The following PARD3B variants were observed in gnomAD, a reference collection of about 807,000 sequenced individuals.
The protein encoded by PARD3B is par-3 family cell polarity regulator beta.
PARD3B carries 103 observed loss-of-function variants against 130.2 expected under a neutral mutation model. That is an observed-to-expected ratio of 0.79 (90% CI 0.67 to 0.93). The LOEUF is 0.93. Among genes scored for constraint, PARD3B ranks in the 40% least tolerant of loss-of-function variants. The pLI, the probability that PARD3B is intolerant of heterozygous loss-of-function variation, is 0.00. For missense variants in PARD3B, 1,609 were observed against 1,499.2 expected (o/e 1.07, Z -1.21); for synonymous variants, 583 against 553.2 (o/e 1.05, Z -0.76).
chr2:204,646,224 C>G (rs192598196), intron 1 of PARD3B, among the ~76,000 whole-genome samples: 1 of 152,184 alleles, frequency 6.6e-6, no homozygotes, highest in Admixed American at 6.6e-5. Flanking sequence ...TGCTTGCACC[C>G]CAGAAGTTCT....
chr2:205,509,654 A>G (rs960287828), intron 21 of PARD3B, among the ~76,000 whole-genome samples: 1 of 152,206 alleles, frequency 6.6e-6, no homozygotes, highest in Non-Finnish European at 1.5e-5. Context: ...GGCTAATGGA[A>G]TGTACTCCCA....
At chr2:205,054,437 T>TATATATATATATATATATA (rs1491373014) in intron 4 of PARD3B, among the ~76,000 whole-genome samples, 25 of 27,456 alleles carry the variant, frequency 9.1e-4, no homozygotes, top group South Asian at 4.5e-3. Context: ...TATATATATA[T>TATATATATATATATATATA]TTTTTTTTTT....
Position 205,176,622 on chromosome 2 carries a change from C to T in PARD3B, c.1924+45C>T. The T allele has an allele frequency of 7.0e-7, 1 of 1,425,438 alleles. No homozygotes were observed. Among genetic ancestry groups the T allele is most frequent in the Non-Finnish European group, 9.3e-7 (1 of 1,074,448 alleles). The allele number at this position is 1,425,438 out of a possible 1,614,324, so 88.3% of individuals were successfully genotyped here. On this transcript the variant is annotated intron_variant, in intron 13 of 22. Transcript: ENST00000406610. This position sits in a 1 kb window ranked among gnomAD's most constrained non-coding sequence, Gnocchi z 5.3. Reference sequence around the variant, plus strand: ...ATCCACTGCAAATGGAGTGAGAAAACACAAAAGTGTCTTTTTATCTAAAAA... The same window carrying T: ...ATCCACTGCAAATGGAGTGAGAAAATACAAAAGTGTCTTTTTATCTAAAAA...
intron 18 of PARD3B, among the ~76,000 whole-genome samples, chr2:205,315,644 AGTTTGTTTGTTT>A (rs372865103): frequency 1.3e-5 from 2 of 152,128 alleles, no homozygotes; most frequent in Middle Eastern, 3.4e-3. Flanking sequence ...TTCTCGTCCC[AGTTTGTTTGTTT>A]GTTTGTTTGT....
At chr2:205,165,633 G>A (rs1309801233) in intron 11 of PARD3B, among the ~76,000 whole-genome samples, 1 of 151,554 alleles carries the variant, frequency 6.6e-6, no homozygotes, top group Non-Finnish European at 1.5e-5. Flanking sequence ...CAGGAGAATT[G>A]CTTGAACCAG....
intron 1 of PARD3B, among the ~76,000 whole-genome samples, chr2:204,662,445 A>G (rs527573310): frequency 2.6e-5 from 4 of 152,180 alleles, no homozygotes. Flanking sequence ...AGTCTGGAAA[A>G]CCATCATCTG....
chr2:204,690,155 T>C (rs952107922), intron 2 of PARD3B, among the ~76,000 whole-genome samples: 1 of 152,162 alleles, frequency 6.6e-6, no homozygotes, highest in African/African-American at 2.4e-5. Context: ...CCCAGATTAT[T>C]TGATTTAGAT....
At chr2:205,192,705 G>A (rs2036460391) in intron 14 of PARD3B, among the ~76,000 whole-genome samples, 1 of 152,102 alleles carries the variant, frequency 6.6e-6, no homozygotes, top group African/African-American at 2.4e-5. Flanking sequence ...ATTAGTTTTA[G>A]GAAAAAGACC....
At chr2:204,980,212 T>C (rs1385050399) in intron 3 of PARD3B, among the ~76,000 whole-genome samples, 1 of 152,194 alleles carries the variant, frequency 6.6e-6, no homozygotes, top group African/African-American at 2.4e-5. Context: ...TATAAAGGTG[T>C]TCAACTTCAT....
chr2:205,008,231 T>C (rs563145423), intron 3 of PARD3B, among the ~76,000 whole-genome samples: 2 of 152,234 alleles, frequency 1.3e-5, no homozygotes, highest in South Asian at 2.1e-4. Flanking sequence ...GAAGTTGAGC[T>C]TTAAATAATG....
At position 205,119,038 on chromosome 2, in the gene PARD3B, C is replaced by T. The variant is rs1260848949; in HGVS notation, c.798C>T (p.Thr266=). The change falls in exon 7 of 23, where the codon ACC becomes ACT. Residue 266 remains threonine (T), a synonymous_variant. Coordinates refer to ENST00000406610, the MANE Select transcript of PARD3B (RefSeq NM_001302769.2). Reference sequence around the variant, plus strand: ...ACAATGTGGATCTCGTAGACAAAACCTTTGCTCAGTAAGCATTTTTTCATT... The same window carrying T: ...ACAATGTGGATCTCGTAGACAAAACTTTTGCTCAGTAAGCATTTTTTCATT... ...KINNVDLVDK[T]FAQAQDVFRQ... is the part of the protein sequence containing the mutation. The T allele has an allele frequency of 1.9e-6, 3 of 1,599,504 alleles. No homozygotes were observed. Among genetic ancestry groups the T allele is most frequent in the Non-Finnish European group, 2.6e-6 (3 of 1,175,184 alleles).
Position 205,619,588 on chromosome 2 carries a change from GCCACAGCGAGA to G in PARD3B, c.*3779_*3789del, listed in dbSNP as rs1170030385. ...TCCTGCCAACTTAGCTGGAAACGAT[GCCACAGCGAGA>G]CCAGAAAGAGGAGTCGCCTTAAGGT... is the stretch of plus-strand genomic sequence containing the variant. On this transcript the variant is annotated 3_prime_UTR_variant, in exon 23 of 23. Coordinates refer to ENST00000406610, the MANE Select transcript of PARD3B (RefSeq NM_001302769.2). The G allele has an allele frequency of 2.0e-5, 3 of 152,130 alleles. No homozygotes were observed. 9.4% of individuals were successfully genotyped at this position (152,130 alleles called of 1,614,324 possible).
intron 18 of PARD3B, among the ~76,000 whole-genome samples, chr2:205,329,530 A>T (rs1297958859): frequency 6.6e-6 from 1 of 152,238 alleles, no homozygotes; most frequent in Admixed American, 6.5e-5. Context: ...GCCTCAGTGC[A>T]TCTTTGTCCA....
Position 205,258,598 on chromosome 2 carries a change from T to G in PARD3B, c.2185+12776T>G, listed in dbSNP as rs1481541137. On this transcript the variant is annotated intron_variant, in intron 16 of 22. Transcript: ENST00000406610. The surrounding 1 kb of genome is among the most constrained non-coding windows in gnomAD (Gnocchi z 4.9). ...GCTTCATGAAGGCAGAGACTTTGTATCCCCAGTTCCAAAAGCAGTGTGTGG... is the reference window on the plus strand; with the variant it reads ...GCTTCATGAAGGCAGAGACTTTGTAGCCCCAGTTCCAAAAGCAGTGTGTGG... 6.6e-6 allele frequency among the ~76,000 whole-genome samples: 1 copy of G among 152,186 alleles called. No individual in the cohort carries two copies. The highest frequency in any genetic ancestry group is 2.4e-5 in the African/African-American group (1 of 41,452).
intron 1 of PARD3B, among the ~76,000 whole-genome samples, chr2:204,653,250 C>T (rs2035541131): frequency 6.8e-6 from 1 of 147,960 alleles, no homozygotes. Context: ...CAAACGTACA[C>T]CTGTACCCCT....
intron 2 of PARD3B, among the ~76,000 whole-genome samples, chr2:204,947,445 A>G (rs1689415895): frequency 6.6e-6 from 1 of 152,208 alleles, no homozygotes. Flanking sequence ...AAGTTAGTAA[A>G]TAAGTAAAGT....
chr2:205,380,896 A>ATATATATAATACATAAAGAATATAT (rs2045373161), intron 18 of PARD3B, among the ~76,000 whole-genome samples: 1 of 14,032 alleles, frequency 7.1e-5, no homozygotes, highest in African/African-American at 1.2e-4. Context: ...TATATAAAGA[A>ATATATATAATACATAAAGAATATAT]TATATATAAT....
At chr2:204,871,266 T>C (rs2045619918) in intron 2 of PARD3B, among the ~76,000 whole-genome samples, 1 of 152,148 alleles carries the variant, frequency 6.6e-6, no homozygotes, top group African/African-American at 2.4e-5. Flanking sequence ...ATAACCCCCT[T>C]TTGGGGACTT....
chr2:205,545,859 A>G (rs1030706753), intron 21 of PARD3B, among the ~76,000 whole-genome samples: 12 of 152,190 alleles, frequency 7.9e-5, no homozygotes, highest in African/African-American at 1.9e-4. Flanking sequence ...CTCCTCTGCC[A>G]TTAATCTACA....
Sources: gnomAD v4.1 joint callset for allele counts (sites outside exome capture counted in the v4.1 genomes callset) on GRCh38, gnomAD v4.1.1 for gene constraint, Gnocchi (gnomAD v3.1) non-coding constraint, MANE v1.5 for transcripts, NCBI Gene and HGNC (gene_info 2026-07-23, HGNC 2026-07-21) for gene names.